TRIM36: variants seen among roughly 807,000 people sequenced by gnomAD.
The protein encoded by TRIM36 is tripartite motif containing 36.
A neutral mutation model predicts 72.4 loss-of-function variants in TRIM36; 42 were observed. The observed-to-expected ratio is 0.58, with a 90% CI of 0.45 to 0.75. The LOEUF (loss-of-function observed/expected upper bound fraction) is 0.75. Ranked by LOEUF, TRIM36 falls within the 30% of genes least tolerant of loss-of-function variation. TRIM36 has a pLI of 0.00. For missense variants in TRIM36, 913 were observed against 857.1 expected, an observed-to-expected ratio of 1.07 and a Z score of -0.81; for synonymous variants, 315 against 282.8, an observed-to-expected ratio of 1.11 and a Z score of -1.14.
chr5:115,144,592 T>C lies in TRIM36; in HGVS notation c.735+6A>G, dbSNP rs1753475484. On this transcript the variant is annotated splice_donor_region_variant and intron_variant, in intron 4 of 9. Coordinates refer to ENST00000513154, the MANE Select transcript of TRIM36 (RefSeq NM_001300759.2). ...ATCAAAATTCTGTTCCAAAAATAAG[T>C]CCTACCTTTAAGGTTTTGTAGGCAC... 1.2e-6 allele frequency: 2 copies of C among 1,612,132 alleles called. No homozygotes were observed. The highest frequency in any genetic ancestry group is 1.7e-5 in the Admixed American group (1 of 59,402).
At chr5:115,146,936 T>C (rs1580669352) in intron 3 of TRIM36, 133 bp downstream of exon 3, 1 of 987,602 alleles carries the variant, frequency 1.0e-6, no homozygotes, top group East Asian at 2.6e-5. Flanking sequence ...CTTAAGTTCT[T>C]ATACCTGCTT....
intron 2 of TRIM36, among the ~76,000 whole-genome samples, chr5:115,158,873 T>A (rs948970382): frequency 1.3e-5 from 2 of 152,198 alleles, no homozygotes; most frequent in African/African-American, 4.8e-5. Flanking sequence ...TGGCTTCTAA[T>A]CGTGGCTTTA....
intron 7 of TRIM36, among the ~76,000 whole-genome samples, chr5:115,134,918 T>C (rs553620049): frequency 6.6e-6 from 1 of 152,292 alleles, no homozygotes; most frequent in Non-Finnish European, 1.5e-5. Context: ...CTAAATAAAA[T>C]CATGGTACAT....
In TRIM36 at chr5:115,169,674, TCA is replaced by T; in HGVS notation, c.-42_-41del. Reference sequence around the variant, plus strand: ...AGGTGTCATCAGCGGCACGTTCCACTCACACCGGCTACCGAGCGCAGGGTCTG... The same window carrying T: ...AGGTGTCATCAGCGGCACGTTCCACTCACCGGCTACCGAGCGCAGGGTCTG... On this transcript the variant is annotated 5_prime_UTR_variant, in exon 1 of 10. Transcript: ENST00000513154. 6.6e-7 allele frequency: 1 copy of T among 1,515,514 alleles called. No individual in the cohort carries two copies. Among genetic ancestry groups the T allele is most frequent in the Non-Finnish European group, 8.8e-7 (1 of 1,136,172 alleles). The allele number at this position is 1,515,514 out of a possible 1,614,324, so 93.9% of individuals were successfully genotyped here.
chr5:115,150,439 A>G (rs1280669643), intron 2 of TRIM36, among the ~76,000 whole-genome samples: 1 of 152,236 alleles, frequency 6.6e-6, no homozygotes, highest in African/African-American at 2.4e-5. Context: ...AGGGTTGAAC[A>G]TTTCCATTAT....
At chr5:115,155,082 G>A (rs996758792) in intron 2 of TRIM36, among the ~76,000 whole-genome samples, 10 of 151,998 alleles carry the variant, frequency 6.6e-5, no homozygotes, top group African/African-American at 1.9e-4. Flanking sequence ...CCAGCTACTC[G>A]GGAGGCTGAG....
intron 2 of TRIM36, among the ~76,000 whole-genome samples, chr5:115,156,024 A>C (rs111613485): frequency 2.6e-5 from 4 of 152,208 alleles, no homozygotes; most frequent in African/African-American, 7.2e-5. Flanking sequence ...CCAAGCTGAG[A>C]ATCAAATCAA....
intron 2 of TRIM36, among the ~76,000 whole-genome samples, chr5:115,160,015 T>TA (rs1057136561): frequency 3.6e-4 from 53 of 145,512 alleles, no homozygotes; most frequent in South Asian, 1.5e-3. Flanking sequence ...TAATAACTGT[T>TA]AAAAAAAAGA....
chr5:115,146,978 A>G, intron 3 of TRIM36, 91 bp downstream of exon 3: 3 of 1,264,082 alleles, frequency 2.4e-6, no homozygotes, highest in Non-Finnish European at 2.2e-6. Flanking sequence ...CAAGTTCTAG[A>G]CTTAATAATT....
intron 2 of TRIM36, among the ~76,000 whole-genome samples, chr5:115,163,015 T>C (rs1754565743): frequency 6.6e-6 from 1 of 151,362 alleles, no homozygotes; most frequent in Non-Finnish European, 1.5e-5. Flanking sequence ...TGGAGTGCAA[T>C]GGCGCGATCT....
intron 1 of TRIM36, among the ~76,000 whole-genome samples, chr5:115,168,035 T>C (rs1580706975): frequency 6.6e-6 from 1 of 152,084 alleles, no homozygotes; most frequent in African/African-American, 2.4e-5. Flanking sequence ...CATCAGATAT[T>C]GGGAGAATTC....
chr5:115,145,867 T>A (rs1753564145), intron 3 of TRIM36, among the ~76,000 whole-genome samples: 1 of 152,218 alleles, frequency 6.6e-6, no homozygotes, highest in Admixed American at 6.5e-5. Flanking sequence ...ACAAAGTTTG[T>A]CCATCTGCAA....
In TRIM36 at chr5:115,134,079, G is replaced by C. The variant is rs775111109; in HGVS notation, c.1279C>G (p.His427Asp). ...CTATCAGCTTTATCCTTTTCTGGATGGTGCCAATTTATCAAGGCATTGTTA... is the reference window on the plus strand; with the variant it reads ...CTATCAGCTTTATCCTTTTCTGGATCGTGCCAATTTATCAAGGCATTGTTA... Reference protein sequence around the residue: ...VYNNALINWHHPEKDKADSYV... With the variant: ...VYNNALINWHDPEKDKADSYV... Residue 427 changes from histidine to aspartate, a missense_variant, in exon 8 of 10, where the codon CAT (histidine) becomes GAT (aspartate). Coordinates refer to ENST00000513154, the MANE Select transcript of TRIM36 (RefSeq NM_001300759.2). 4.4e-5 allele frequency: 71 copies of C among 1,612,702 alleles called. No individual in the cohort carries two copies. Among genetic ancestry groups the C allele is most frequent in the Non-Finnish European group, 6.0e-5 (71 of 1,179,572 alleles).
At chr5:115,136,366 G>A (rs1455377981) in intron 7 of TRIM36, among the ~76,000 whole-genome samples, 1 of 152,106 alleles carries the variant, frequency 6.6e-6, no homozygotes, top group East Asian at 1.9e-4. Context: ...CAACCAAGAA[G>A]AGAGGTTCAG....
chr5:115,129,527 C>T (rs1438544731), intron 9 of TRIM36, among the ~76,000 whole-genome samples: 2 of 152,132 alleles, frequency 1.3e-5, no homozygotes, highest in African/African-American at 4.8e-5. Context: ...CATTGCACTC[C>T]AGCCTGGTCA....
chr5:115,149,680 A>C (rs1319168248), intron 2 of TRIM36: 1 of 146,356 alleles, frequency 6.8e-6, no homozygotes, highest in Admixed American at 6.9e-5. Flanking sequence ...ACTAAACTTA[A>C]ATCAGACATT....
upstream of TRIM36, chr5:115,169,942 G>C (rs1009149045): frequency 8.1e-7 from 1 of 1,233,064 alleles, no homozygotes; most frequent in Middle Eastern, 3.2e-4. Context: ...GACCTGGGCG[G>C]GGCACCGCGG....
chr5:115,167,859 C>T (rs555689390), intron 1 of TRIM36, among the ~76,000 whole-genome samples: 118 of 152,258 alleles, frequency 7.7e-4, no homozygotes, highest in Non-Finnish European at 1.2e-3. Flanking sequence ...TAAAGAAATA[C>T]CCAAGAGTGG....
At chr5:115,147,458 A>G in intron 2 of TRIM36, 64 bp from the exon 3 acceptor site, 1 of 1,524,542 alleles carries the variant, frequency 6.6e-7, no homozygotes, top group Non-Finnish European at 8.9e-7. Context: ...TGAAGAAAAG[A>G]GGAGTCATGT....
Sources: allele counts gnomAD v4.1 joint callset (sites outside exome capture counted in the v4.1 genomes callset), GRCh38; gene constraint gnomAD v4.1.1; transcripts MANE v1.5; gene names NCBI Gene and HGNC (gene_info 2026-07-23, HGNC 2026-07-21).